The following LSMEM1 variants were observed in gnomAD, a reference collection of about 807,000 sequenced individuals.
LSMEM1 encodes leucine-rich single-pass membrane protein 1.
Under a neutral mutation model 11.3 loss-of-function variants are expected in LSMEM1, and 10 were observed. The ratio of observed to expected loss-of-function variants is 0.89; its 90% CI spans 0.55 to 1.50. LSMEM1 has a LOEUF of 1.50. Among genes scored for constraint, LSMEM1 ranks in the 40% most tolerant of loss-of-function variants. The pLI is 0.00. For synonymous variants in LSMEM1, 65 were observed against 59.3 expected (o/e 1.10, Z -0.44); for missense variants, 151 against 152.9 (o/e 0.99, Z 0.06).
intron 3 of LSMEM1, among the ~76,000 whole-genome samples, 191 bp downstream of exon 3, chr7:112,487,242 G>A (rs762564902): frequency 6.6e-6 from 1 of 152,160 alleles, no homozygotes; most frequent in Non-Finnish European, 1.5e-5. Context: ...CAAACCCACT[G>A]CAGAAGCCCA....
At chr7:112,484,762 T>A (rs1796095267) in intron 1 of LSMEM1, 50 bp from the exon 2 acceptor site, 10 of 1,585,490 alleles carry the variant, frequency 6.3e-6, no homozygotes, top group African/African-American at 2.7e-5. Flanking sequence ...CTTGTGAAGT[T>A]GAGTTCACAA....
At position 112,489,871 on chromosome 7, in the gene LSMEM1, A is replaced by C. The variant is rs1326052158; in HGVS notation, c.318A>C (p.Ile106=). 1 of 1,614,096 alleles carries C rather than the reference A, an allele frequency of 6.2e-7. No homozygotes were observed. Among genetic ancestry groups the C allele is most frequent in the Non-Finnish European group, 8.5e-7 (1 of 1,180,028 alleles). Residue 106 remains isoleucine, a synonymous_variant, in exon 4 of 4, where the codon ATA becomes ATC. Coordinates refer to ENST00000312849, the MANE Select transcript of LSMEM1 (RefSeq NM_182597.3). ...SRRLTAEGKD[I]DDLKRINNMI... The stretch of plus-strand genomic sequence containing the variant: ...GACTAACAGCTGAAGGAAAAGACAT[A>C]GATGATCTTAAGAGAATCAATAACA...
Position 112,490,091 on chromosome 7 carries a change from T to G in LSMEM1, c.*142T>G. ...CAACCCACCCCTGGGGCCCACTTTC[T>G]GCAGCAAGATGGGAGCAATTCCAAG... On this transcript the variant is annotated 3_prime_UTR_variant, in exon 4 of 4. Transcript: ENST00000312849. 1.1e-6 allele frequency: 1 copy of G among 878,774 alleles called. No individual in the cohort carries two copies. Among genetic ancestry groups the G allele is most frequent in the East Asian group, 2.6e-5 (1 of 38,452 alleles). 54.4% of individuals were successfully genotyped at this position (878,774 alleles called of 1,614,324 possible). A position where few individuals can be genotyped will look rare whatever the true frequency, so the allele number is the denominator to read the frequency against.
In LSMEM1 at chr7:112,489,820, A is replaced by T. The variant is rs756887586; in HGVS notation, c.267A>T (p.Gly89=). Residue 89 remains glycine (G), a synonymous_variant, in exon 4 of 4, where the codon GGA becomes GGT. Coordinates refer to ENST00000312849, the MANE Select transcript of LSMEM1 (RefSeq NM_182597.3). ...TTTTCTGTTTTGAAGTTCAAACTGG[A>T]AACAAGATGGATGATGTGTCAAGAA... is the stretch of plus-strand genomic sequence containing the variant. ...FFVIFLIVQT[G]NKMDDVSRRL... is the part of the protein sequence containing the mutation. 10 of 1,611,854 alleles carry T rather than the reference A, an allele frequency of 6.2e-6. No individual in the cohort carries two copies. The highest frequency in any genetic ancestry group is 6.8e-6 in the Non-Finnish European group (8 of 1,179,436).
Position 112,481,262 on chromosome 7 carries a change from G to T in LSMEM1, c.-90G>T. ...GAATTTGTAGAAAAGTTTTGTTGTA[G>T]TTGCTTCTGAACAATTAGTTTTTGT... On this transcript the variant is annotated 5_prime_UTR_variant, in exon 1 of 4. Coordinates refer to ENST00000312849, the MANE Select transcript of LSMEM1 (RefSeq NM_182597.3). 6.5e-6 allele frequency: 1 copy of T among 153,670 alleles called. No homozygotes were observed. Among genetic ancestry groups the T allele is most frequent in the Non-Finnish European group, 1.4e-5 (1 of 70,306 alleles). 9.5% of individuals were successfully genotyped at this position (153,670 alleles called of 1,614,324 possible). A position where few individuals can be genotyped will look rare whatever the true frequency, so the allele number is the denominator to read the frequency against.
chr7:112,484,942 C>A lies in LSMEM1; in HGVS notation c.126C>A (p.Phe42Leu). The A allele has an allele frequency of 6.2e-7, 1 of 1,612,262 alleles. No individual in the cohort carries two copies. Among genetic ancestry groups the A allele is most frequent in the Non-Finnish European group, 8.5e-7 (1 of 1,178,886 alleles). The change falls in exon 2 of 4, where the codon TTC becomes TTA. Residue 42 changes from phenylalanine to leucine, a missense_variant and splice_region_variant. Physicochemically the swap from Phe to Leu is conservative, Grantham distance 22. Coordinates refer to ENST00000312849, the MANE Select transcript of LSMEM1 (RefSeq NM_182597.3). The part of the protein sequence containing the change: ...NLCPAGSQHL[F>L]PLEDKIPVLG... Reference sequence around the variant, plus strand: ...GTCCAGCCGGATCGCAGCATCTGTTCCGTATGTGTGCTGGGGAAGGCACAG... The same window carrying A: ...GTCCAGCCGGATCGCAGCATCTGTTACGTATGTGTGCTGGGGAAGGCACAG...
intron 1 of LSMEM1, among the ~76,000 whole-genome samples, chr7:112,484,151 C>G (rs3128381): frequency 0.78 from 118,256 of 152,192 alleles, 46,903 homozygotes; most frequent in Middle Eastern, 0.91. Flanking sequence ...AGTCTAGCAG[C>G]ATTCCTCTCT....
Position 112,487,008 on chromosome 7 carries a change from G to T in LSMEM1, c.213G>T (p.Leu71=), listed in dbSNP as rs746748887. Residue 71 remains leucine (L), a synonymous_variant, in exon 3 of 4, where the codon CTG becomes CTT. Transcript: ENST00000312849. Reference sequence around the variant, plus strand: ...TTTTTGTGGGGCTGCTAATTGTGCTGATTGTCAGCCTGGCACTGGTTTTTT... The same window carrying T: ...TTTTTGTGGGGCTGCTAATTGTGCTTATTGTCAGCCTGGCACTGGTTTTTT... ...SLFFVGLLIV[L]IVSLALVFFV... 6.2e-7 allele frequency: 1 copy of T among 1,614,162 alleles called. No homozygotes were observed. Among genetic ancestry groups the T allele is most frequent in the South Asian group, 1.1e-5 (1 of 91,086 alleles).
chr7:112,487,202 C>G lies in LSMEM1; in HGVS notation c.256+151C>G, dbSNP rs1796150413. Reference sequence around the variant, plus strand: ...AAAGAAGGAATGCCTTGAGTGAACACCACTGGCTGAGGACAGGGTCCCTTG... The same window carrying G: ...AAAGAAGGAATGCCTTGAGTGAACAGCACTGGCTGAGGACAGGGTCCCTTG... On this transcript the variant is annotated intron_variant, in intron 3 of 3. Transcript: ENST00000312849. 8.5e-6 allele frequency: 8 copies of G among 942,212 alleles called. No homozygotes were observed. The East Asian group carries it at 2.1e-4, about 24-fold the overall frequency. The allele number at this position is 942,212 out of a possible 1,614,324, so 58.4% of individuals were successfully genotyped here. A position where few individuals can be genotyped will look rare whatever the true frequency, so the allele number is the denominator to read the frequency against.
chr7:112,484,400 A>G (rs914960340), intron 1 of LSMEM1, among the ~76,000 whole-genome samples: 34 of 152,324 alleles, frequency 2.2e-4, no homozygotes, highest in African/African-American at 7.7e-4. Flanking sequence ...TCTTGCACAA[A>G]GGATTTGAGG....
At chr7:112,485,844 A>G (rs923199327) in intron 2 of LSMEM1, among the ~76,000 whole-genome samples, 1 of 151,762 alleles carries the variant, frequency 6.6e-6, no homozygotes, top group Non-Finnish European at 1.5e-5. Context: ...GACCAATTCA[A>G]CGTAGGAGAG....
chr7:112,486,910 T>G lies in LSMEM1; in HGVS notation c.128-13T>G, dbSNP rs759447009. 3 of 1,613,604 alleles carry G rather than the reference T, an allele frequency of 1.9e-6. No homozygotes were observed. Among genetic ancestry groups the G allele is most frequent in the African/African-American group, 1.3e-5 (1 of 74,866 alleles). On this transcript the variant is annotated splice_polypyrimidine_tract_variant and intron_variant, in intron 2 of 3. Transcript: ENST00000312849. ...GCAGTTTTTGTCCTTGTTTTTTGTT[T>G]GTTTCATATTAGCTCTAGAGGACAA...
In LSMEM1 at chr7:112,490,796, A is replaced by C. The variant is rs1295006216; in HGVS notation, c.*847A>C. ...TTGCACTAGGAAATTATGTAGTTAGAATATTTGGAACCTGCATTAGTTCCA... is the reference window on the plus strand; with the variant it reads ...TTGCACTAGGAAATTATGTAGTTAGCATATTTGGAACCTGCATTAGTTCCA... On this transcript the variant is annotated 3_prime_UTR_variant, in exon 4 of 4. Transcript: ENST00000312849. 1 of 152,212 alleles carries C rather than the reference A, an allele frequency of 6.6e-6. No individual in the cohort carries two copies. Among genetic ancestry groups the C allele is most frequent in the Non-Finnish European group, 1.5e-5 (1 of 68,038 alleles). 9.4% of individuals were successfully genotyped at this position (152,212 alleles called of 1,614,324 possible).
At position 112,489,954 on chromosome 7, in the gene LSMEM1, A is replaced by C. The variant is rs11767398; in HGVS notation, c.*5A>C. On this transcript the variant is annotated 3_prime_UTR_variant, in exon 4 of 4. Transcript: ENST00000312849. The stretch of plus-strand genomic sequence containing the variant: ...CTGGACTCTGAACAAAACTAAAGGA[A>C]TGATTTTCTGAAAGCACCTGCTAAC... 849,970 of 1,610,028 alleles carry C rather than the reference A, an allele frequency of 0.53. 237,784 individuals are homozygous for C. The highest frequency in any genetic ancestry group is 0.58 in the Middle Eastern group (3,508 of 6,034).
At chr7:112,483,746 A>G (rs879696187) in intron 1 of LSMEM1, 8 of 152,174 alleles carry the variant, frequency 5.3e-5, no homozygotes, top group Admixed American at 2.0e-4. Flanking sequence ...CTCTGCTGCC[A>G]GGCAAATGTG....
chr7:112,484,379 C>A (rs956715540), intron 1 of LSMEM1, among the ~76,000 whole-genome samples: 2 of 152,294 alleles, frequency 1.3e-5, no homozygotes, highest in African/African-American at 2.4e-5. Context: ...TTAATTTTGT[C>A]TACCTAGTCT....
rs1460542770 is a variant in LSMEM1 at position 112,486,991 on chromosome 7, G to T, written c.196G>T (p.Gly66Trp). The stretch of plus-strand genomic sequence containing the variant: ...TGGAAGCCGGAGTCTGTTTTTTGTG[G>T]GGCTGCTAATTGTGCTGATTGTCAG... ...GNGSRSLFFV[G>W]LLIVLIVSLA... The change falls in exon 3 of 4, where the codon GGG becomes TGG. Residue 66 changes from glycine to tryptophan, a missense_variant. By Grantham distance (184) the Gly-to-Trp change is radical. Transcript: ENST00000312849. The T allele has an allele frequency of 6.2e-7, 1 of 1,614,034 alleles. No individual in the cohort carries two copies. Among genetic ancestry groups the T allele is most frequent in the East Asian group, 2.2e-5 (1 of 44,878 alleles).
chr7:112,486,545 G>A, intron 2 of LSMEM1: 1 of 315,924 alleles, frequency 3.2e-6, no homozygotes, highest in South Asian at 2.5e-5. Context: ...GGGAGGCCGA[G>A]GAGGGCAGAT....
At chr7:112,485,044 G>GA (rs1796103216) in intron 2 of LSMEM1, 101 bp downstream of exon 2, 4 of 1,326,244 alleles carry the variant, frequency 3.0e-6, no homozygotes, top group Non-Finnish European at 4.1e-6. Context: ...AGGGGGAGGG[G>GA]GCATTAGGAA....
Sources: gnomAD v4.1 joint callset for allele counts (sites outside exome capture counted in the v4.1 genomes callset) on GRCh38, gnomAD v4.1.1 for gene constraint, MANE v1.5 for transcripts, NCBI Gene and HGNC (gene_info 2026-07-23, HGNC 2026-07-21) for gene names.